Variants in IRF2BP2 observed in about 807,000 individuals in gnomAD.
IRF2BP2 encodes interferon regulatory factor 2 binding protein 2.
A neutral mutation model predicts 32.7 loss-of-function variants in IRF2BP2; 13 were observed. The ratio of observed to expected loss-of-function variants is 0.40; its 90% CI spans 0.26 to 0.63. The LOEUF is 0.63. IRF2BP2 is among the 30% of genes least tolerant of loss of function. The probability of loss-of-function intolerance (pLI) is 0.42; values close to 1 mark genes in which losing one functional copy is unlikely to be tolerated. For missense variants in IRF2BP2, 980 were observed against 830.6 expected (o/e 1.18, Z -2.21); for synonymous variants, 555 against 384.6 (o/e 1.44, Z -5.18).
rs775172451 is a variant in IRF2BP2, at chr1:234,607,827, C to T, written c.1074G>A (p.Lys358=). 6 of 1,582,638 alleles carry T rather than the reference C, an allele frequency of 3.8e-6. No individual in the cohort carries two copies. The highest frequency in any genetic ancestry group is 3.7e-5 in the Admixed American group (2 of 54,046). The change falls in exon 2 of 2, where the codon AAG becomes AAA. Residue 358 remains lysine, a synonymous_variant. Coordinates refer to ENST00000366609, the MANE Select transcript of IRF2BP2 (RefSeq NM_182972.3). The stretch of plus-strand genomic sequence containing the variant: ...CTTCACCTTCTGGTTCTGGAGAGGG[C>T]TTCCTTTTCCTTGCTGTTCTTGCAA... The part of the protein sequence containing the change: ...KAVARTARKR[K]PSPEPEGEVG...
In IRF2BP2 at chr1:234,608,654, CG is replaced by C; in HGVS notation, c.840del (p.Glu281SerfsTer2). ...TTGCCCGCACCTTCCGCGCTCAGCT[CG>C]GCGGCCCCGGCCGCGGTGGACAGGC... ...ADSLSTAAGA[A>X]ELSAEGAGKS... On this transcript the variant is annotated frameshift_variant, in exon 1 of 2. Transcript: ENST00000366609. LOFTEE classifies it high-confidence loss of function. 1 of 1,534,194 alleles carries C rather than the reference CG, an allele frequency of 6.5e-7. No individual in the cohort carries two copies. The highest frequency in any genetic ancestry group is 1.4e-5 in the African/African-American group (1 of 69,888).
chr1:234,608,657 C>T lies in IRF2BP2; in HGVS notation c.838G>A (p.Ala280Thr), dbSNP rs753556497. ...ADSLSTAAGA[A>T]ELSAEGAGKS... ...CCCGCACCTTCCGCGCTCAGCTCGG[C>T]GGCCCCGGCCGCGGTGGACAGGCTG... The change falls in exon 1 of 2, where the codon GCC becomes ACC. Residue 280 changes from alanine to threonine, a missense_variant. By Grantham distance (58) the Ala-to-Thr change is moderately conservative. Transcript: ENST00000366609. 19 of 1,531,580 alleles carry T rather than the reference C, an allele frequency of 1.2e-5. No individual in the cohort carries two copies. The highest frequency in any genetic ancestry group is 1.4e-5 in the Non-Finnish European group (16 of 1,148,480). The allele number at this position is 1,531,580 out of a possible 1,614,324, so 94.9% of individuals were successfully genotyped here. A position where few individuals can be genotyped will look rare whatever the true frequency, so the allele number is the denominator to read the frequency against.
At position 234,606,344 on chromosome 1, in the gene IRF2BP2, A is replaced by G. The variant is rs1672158829; in HGVS notation, c.*793T>C. Reference sequence around the variant, plus strand: ...GCAGTGCCATCTTGTACACACCACCATCCATTATAACCGCCTTCCATCACT... The same window carrying G: ...GCAGTGCCATCTTGTACACACCACCGTCCATTATAACCGCCTTCCATCACT... On this transcript the variant is annotated 3_prime_UTR_variant, in exon 2 of 2. Coordinates refer to ENST00000366609, the MANE Select transcript of IRF2BP2 (RefSeq NM_182972.3). 1 of 152,174 alleles carries G rather than the reference A, an allele frequency of 6.6e-6. No homozygotes were observed. Among genetic ancestry groups the G allele is most frequent in the Admixed American group, 6.5e-5 (1 of 15,272 alleles). 9.4% of individuals were successfully genotyped at this position (152,174 alleles called of 1,614,324 possible). A position where few individuals can be genotyped will look rare whatever the true frequency, so the allele number is the denominator to read the frequency against.
At position 234,607,326 on chromosome 1, in the gene IRF2BP2, A is replaced by T; in HGVS notation, c.1575T>A (p.Pro525=). ...DTHFVQCPSV[P]SHKFCFPCSR... ...AGCAAGGGAAGCAGAACTTGTGCGAAGGGACGGACGGGCACTGCACAAAAT... is the reference window on the plus strand; with the variant it reads ...AGCAAGGGAAGCAGAACTTGTGCGATGGGACGGACGGGCACTGCACAAAAT... Residue 525 remains proline (P), a synonymous_variant, in exon 2 of 2, where the codon CCT becomes CCA. Transcript: ENST00000366609. 6.2e-7 allele frequency: 1 copy of T among 1,614,216 alleles called. No homozygotes were observed. The highest frequency in any genetic ancestry group is 8.5e-7 in the Non-Finnish European group (1 of 1,180,034).
chr1:234,608,976 G>A lies in IRF2BP2; in HGVS notation c.519C>T (p.Arg173=), dbSNP rs1284635805. Reference sequence around the variant, plus strand: ...GGCCGCGCCGCGGGTTCGGGCTCTGGCGATTCAGCTCGGGCGGCTCCTCTA... The same window carrying A: ...GGCCGCGCCGCGGGTTCGGGCTCTGACGATTCAGCTCGGGCGGCTCCTCTA... ...SKLEEPPELN[R]QSPNPRRGHA... Residue 173 remains arginine (R), a synonymous_variant, in exon 1 of 2, where the codon CGC becomes CGT. Transcript: ENST00000366609. 6 of 1,359,626 alleles carry A rather than the reference G, an allele frequency of 4.4e-6. No homozygotes were observed. The highest frequency in any genetic ancestry group is 3.0e-5 in the Admixed American group (1 of 33,780). The allele number at this position is 1,359,626 out of a possible 1,614,324, so 84.2% of individuals were successfully genotyped here.
At position 234,609,286 on chromosome 1, in the gene IRF2BP2, C is replaced by G; in HGVS notation, c.209G>C (p.Arg70Pro). 6.9e-7 allele frequency: 1 copy of G among 1,455,780 alleles called. No homozygotes were observed. The highest frequency in any genetic ancestry group is 9.1e-7 in the Non-Finnish European group (1 of 1,100,648). 90.2% of individuals were successfully genotyped at this position (1,455,780 alleles called of 1,614,324 possible). The change falls in exon 1 of 2, where the codon CGC becomes CCC. Residue 70 changes from arginine (R) to proline (P), a missense_variant. Physicochemically the swap from Arg to Pro is moderately radical, Grantham distance 103. Transcript: ENST00000366609. ...CGAGGCCGCGGCGCCGGGTGGGGAG[C>G]GACCCTCCGGGAAGCAGCCGTGCGC... ...KRAHGCFPEG[R>P]SPPGAAASAA... is the part of the protein sequence containing the mutation.
chr1:234,607,866 G>T lies in IRF2BP2; in HGVS notation c.1049-14C>A, dbSNP rs571240932. ...CTGTTCTTGCAACTGGAAACACAAAGAAATAAAAGGAAAAAGGTAACATAA... is the reference window on the plus strand; with the variant it reads ...CTGTTCTTGCAACTGGAAACACAAATAAATAAAAGGAAAAAGGTAACATAA... On this transcript the variant is annotated splice_polypyrimidine_tract_variant and intron_variant, in intron 1 of 1. Transcript: ENST00000366609. 4.6e-6 allele frequency: 7 copies of T among 1,526,544 alleles called. No homozygotes were observed. Among genetic ancestry groups the T allele is most frequent in the Non-Finnish European group, 5.3e-6 (6 of 1,134,846 alleles). The allele number at this position is 1,526,544 out of a possible 1,614,324, so 94.6% of individuals were successfully genotyped here.
At chr1:234,607,906 A>G (rs1672210392) in intron 1 of IRF2BP2, 54 bp from the exon 2 acceptor site, 3 of 1,347,828 alleles carry the variant, frequency 2.2e-6, no homozygotes, top group Non-Finnish European at 2.0e-6. Flanking sequence ...CGGTGCACTG[A>G]AAGAGATCAT....
In IRF2BP2 at chr1:234,608,608, T is replaced by C; in HGVS notation, c.887A>G (p.Gln296Arg). 3 of 1,589,692 alleles carry C rather than the reference T, an allele frequency of 1.9e-6. No homozygotes were observed. Among genetic ancestry groups the C allele is most frequent in the Non-Finnish European group, 2.6e-6 (3 of 1,169,838 alleles). Residue 296 changes from glutamine (Q) to arginine (R), a missense_variant, in exon 1 of 2, where the codon CAG becomes CGG. Gln to Arg is a conservative substitution (Grantham distance 43, BLOSUM62 1). Coordinates refer to ENST00000366609, the MANE Select transcript of IRF2BP2 (RefSeq NM_182972.3). Reference sequence around the variant, plus strand: ...GGTCTTGGGCCTGTTGACCCAGTCCTGCTCTCCAGACCCGCGGCTCTTGCC... The same window carrying C: ...GGTCTTGGGCCTGTTGACCCAGTCCCGCTCTCCAGACCCGCGGCTCTTGCC... ...GAGKSRGSGE[Q>R]DWVNRPKTVR...
In IRF2BP2 at chr1:234,609,590, C is replaced by T. The variant is rs914877365; in HGVS notation, c.-96G>A. ...GGCACCACGCGCGCCCTCCTCCCCC[C>T]CCAACCCCGCGTCTCCCCCACCAGC... On this transcript the variant is annotated 5_prime_UTR_variant, in exon 1 of 2. Coordinates refer to ENST00000366609, the MANE Select transcript of IRF2BP2 (RefSeq NM_182972.3). The T allele has an allele frequency of 6.4e-6, 4 of 627,738 alleles. No homozygotes were observed. The highest frequency in any genetic ancestry group is 9.2e-5 in the Admixed American group (2 of 21,782). The allele number at this position is 627,738 out of a possible 1,614,324, so 38.9% of individuals were successfully genotyped here.
In IRF2BP2 at chr1:234,605,875, G is replaced by C. The variant is rs1436289914; in HGVS notation, c.*1262C>G. Reference sequence around the variant, plus strand: ...TTCTAAAAATATTTTGAGAGGTGGGGCCTGTCTATTATATAAAACCCTTAA... The same window carrying C: ...TTCTAAAAATATTTTGAGAGGTGGGCCCTGTCTATTATATAAAACCCTTAA... On this transcript the variant is annotated 3_prime_UTR_variant, in exon 2 of 2. Transcript: ENST00000366609. The C allele has an allele frequency of 6.6e-6, 1 of 152,110 alleles. No homozygotes were observed. Among genetic ancestry groups the C allele is most frequent in the East Asian group, 1.9e-4 (1 of 5,188 alleles). 9.4% of individuals were successfully genotyped at this position (152,110 alleles called of 1,614,324 possible).
At position 234,608,730 on chromosome 1, in the gene IRF2BP2, T is replaced by TGCC. The variant is rs2102769516; in HGVS notation, c.762_764dup (p.Ala256dup). ...GCGGCGGCGGTTGTTTCTCCTTGGC[T>TGCC]GCCGCCTCACGCTGCTCGTGCTCCA... On this transcript the variant is annotated inframe_insertion, in exon 1 of 2. Transcript: ENST00000366609. 1 of 1,501,074 alleles carries TGCC rather than the reference T, an allele frequency of 6.7e-7. No homozygotes were observed. The highest frequency in any genetic ancestry group is 1.2e-5 in the South Asian group (1 of 80,014). 93.0% of individuals were successfully genotyped at this position (1,501,074 alleles called of 1,614,324 possible). A position where few individuals can be genotyped will look rare whatever the true frequency, so the allele number is the denominator to read the frequency against.
At position 234,608,631 on chromosome 1, in the gene IRF2BP2, G is replaced by T; in HGVS notation, c.864C>A (p.Gly288=). The T allele has an allele frequency of 6.4e-7, 1 of 1,563,768 alleles. No individual in the cohort carries two copies. Among genetic ancestry groups the T allele is most frequent in the Non-Finnish European group, 8.6e-7 (1 of 1,160,050 alleles). ...CCTGCTCTCCAGACCCGCGGCTCTT[G>T]CCCGCACCTTCCGCGCTCAGCTCGG... ...GAAELSAEGA[G]KSRGSGEQDW... The change falls in exon 1 of 2, where the codon GGC becomes GGA. Residue 288 remains glycine, a synonymous_variant. Transcript: ENST00000366609.
At chr1:234,608,162 A>T (rs1028900823) in intron 1 of IRF2BP2, 2 of 526,372 alleles carry the variant, frequency 3.8e-6, no homozygotes, top group South Asian at 5.7e-5. Flanking sequence ...ATGTCCCCCA[A>T]TAGGTTAAAA....
chr1:234,607,912 A>AATGATCTCTT, intron 1 of IRF2BP2, 60 bp from the exon 2 acceptor site: 1 of 1,323,678 alleles, frequency 7.6e-7, no homozygotes, highest in Non-Finnish European at 1.0e-6. Flanking sequence ...ACTGAAAGAG[A>AATGATCTCTT]TCATTCTCTT....
rs1473669055 is a variant in IRF2BP2, at chr1:234,610,138, C to T, written c.-644G>A. Among the ~76,000 whole-genome samples, 2 of 148,434 alleles carry T rather than the reference C, an allele frequency of 1.3e-5. No individual in the cohort carries two copies. The highest frequency in any genetic ancestry group is 3.0e-5 in the Non-Finnish European group (2 of 66,524). ...CCCGCCTCAGCTCCGCCGCCGCCACCGTCGCTGCTGCTGCTGCCGCCGCGA... is the reference window on the plus strand; with the variant it reads ...CCCGCCTCAGCTCCGCCGCCGCCACTGTCGCTGCTGCTGCTGCCGCCGCGA... On this transcript the variant is annotated 5_prime_UTR_variant, in exon 1 of 2. Transcript: ENST00000366609.
rs1390723044 is a variant in IRF2BP2, at chr1:234,608,532, G to A, written c.963C>T (p.Phe321=). The change falls in exon 1 of 2, where the codon TTC becomes TTT. Residue 321 remains phenylalanine, a synonymous_variant. Transcript: ENST00000366609. ...CCGGCTCCTTCTTAAACTTGCTCTC[G>A]AAGGGCCCCGAGTGGCCGTGCTGGT... is the stretch of plus-strand genomic sequence containing the variant. ...ALHQHGHSGP[F]ESKFKKEPAL... is the part of the protein sequence containing the mutation. 6.2e-7 allele frequency: 1 copy of A among 1,610,654 alleles called. No homozygotes were observed. Among genetic ancestry groups the A allele is most frequent in the Non-Finnish European group, 8.5e-7 (1 of 1,179,080 alleles).
rs775179529 is a variant in IRF2BP2 at position 234,609,238 on chromosome 1, AGCG to A, written c.254_256del (p.Pro85del). The A allele has an allele frequency of 7.4e-6, 10 of 1,357,304 alleles. No homozygotes were observed. The East Asian group carries it at 2.5e-4, about 34-fold the overall frequency. 84.1% of individuals were successfully genotyped at this position (1,357,304 alleles called of 1,614,324 possible). ...CTGCAAAAGGATGTCCTTGGCGGAG[AGCG>A]GCGGCGGCTTGGCGGCGGCCGAGGC... On this transcript the variant is annotated inframe_deletion, in exon 1 of 2. Transcript: ENST00000366609.
rs200038191 is a variant in IRF2BP2, at chr1:234,606,996, C to A, written c.*141G>T. ...AAAAAATATAGAAACACAATGTATT[C>A]AAAAAAAATCAAAATTATACAGCCA... On this transcript the variant is annotated 3_prime_UTR_variant, in exon 2 of 2. Coordinates refer to ENST00000366609, the MANE Select transcript of IRF2BP2 (RefSeq NM_182972.3). 2.0e-5 allele frequency: 13 copies of A among 660,274 alleles called. No individual in the cohort carries two copies. The highest frequency in any genetic ancestry group is 6.8e-5 in the South Asian group (3 of 44,132). 40.9% of individuals were successfully genotyped at this position (660,274 alleles called of 1,614,324 possible).
Sources: gnomAD v4.1 joint callset for allele counts (sites outside exome capture counted in the v4.1 genomes callset) on GRCh38, gnomAD v4.1.1 for gene constraint, MANE v1.5 for transcripts, NCBI Gene and HGNC (gene_info 2026-07-23, HGNC 2026-07-21) for gene names.